Variants in C1orf167 observed in about 807,000 individuals in gnomAD.
The protein encoded by C1orf167 is chromosome 1 open reading frame 167, also known as uncharacterized protein C1orf167.
Under a neutral mutation model 176.5 loss-of-function variants are expected in C1orf167, and 153 were observed. The observed-to-expected ratio is 0.87, with a 90% CI of 0.76 to 0.99. The LOEUF is 0.99. C1orf167 is among the 50% of genes least tolerant of loss of function. The probability of loss-of-function intolerance (pLI) is 0.00; values close to 1 mark genes in which losing one functional copy is unlikely to be tolerated. For missense variants in C1orf167, 1,490 were observed against 1,817.7 expected (o/e 0.82, Z 3.28); for synonymous variants, 594 against 752.7 (o/e 0.79, Z 3.45).
In C1orf167 at chr1:11,775,553, C is replaced by T. The variant is rs1290265764; in HGVS notation, c.2107C>T (p.Leu703Phe). The T allele has an allele frequency of 1.5e-6, 2 of 1,304,104 alleles. No individual in the cohort carries two copies. Among genetic ancestry groups the T allele is most frequent in the Non-Finnish European group, 2.0e-6 (2 of 988,932 alleles). 80.8% of individuals were successfully genotyped at this position (1,304,104 alleles called of 1,614,324 possible). ...CLEQWVRMKQ[L>F]RESDGAKVTQ... ...GGAACAGTGGGTGCGGATGAAGCAG[C>T]TCCGGGAATCAGATGGGGCAAAGGT... is the stretch of plus-strand genomic sequence containing the variant. Residue 703 changes from leucine (L) to phenylalanine (F), a missense_variant, in exon 9 of 21, where the codon CTC becomes TTC. Physicochemically the swap from Leu to Phe is conservative, Grantham distance 22. Coordinates refer to ENST00000688073, the MANE Select transcript of C1orf167 (RefSeq NM_001010881.2).
intron 19 of C1orf167, 84 bp downstream of exon 19, chr1:11,788,462 T>G: frequency 8.3e-7 from 1 of 1,201,110 alleles, no homozygotes; most frequent in African/African-American, 1.6e-5. Context: ...AGTATGGCCC[T>G]TGGACCTACT....
chr1:11,777,081 G>C (rs1643354891), intron 10 of C1orf167: 1 of 153,006 alleles, frequency 6.5e-6, no homozygotes, highest in Non-Finnish European at 1.5e-5. Flanking sequence ...GCAGGAGCCA[G>C]GGATCAAGCT....
intron 13 of C1orf167, 122 bp from the exon 14 acceptor site, chr1:11,782,065 CAG>C: frequency 1.1e-6 from 1 of 873,172 alleles, no homozygotes. Context: ...CTTTTTAACC[CAG>C]ACAGTCAGGG....
intron 17 of C1orf167, 167 bp downstream of exon 17, chr1:11,787,660 A>T: frequency 2.3e-6 from 2 of 877,306 alleles, no homozygotes; most frequent in Middle Eastern, 3.7e-4. Flanking sequence ...TTCTGAGAAA[A>T]CACTTTGCAT....
chr1:11,770,073 A>G (rs1642980906), intron 6 of C1orf167, among the ~76,000 whole-genome samples: 1 of 152,104 alleles, frequency 6.6e-6, no homozygotes, highest in South Asian at 2.1e-4. Context: ...TCATCCTTTC[A>G]TAGCCCCCTC....
chr1:11,788,866 C>CCCTGCTTGCCAGCCCCGG, intron 20 of C1orf167, 120 bp downstream of exon 20: 1 of 796,272 alleles, frequency 1.3e-6, no homozygotes, highest in Non-Finnish European at 1.8e-6. Flanking sequence ...GGGGCCCCTT[C>CCCTGCTTGCCAGCCCCGG]GTTTTCAGGG....
intron 13 of C1orf167, among the ~76,000 whole-genome samples, chr1:11,780,999 C>A (rs184911308): frequency 1.1e-5 from 1 of 92,788 alleles, no homozygotes; most frequent in African/African-American, 4.4e-5. Context: ...CCCAACCAGT[C>A]TTTTTTTTTT....
At chr1:11,782,096 C>T in intron 13 of C1orf167, 93 bp from the exon 14 acceptor site, 3 of 1,131,452 alleles carry the variant, frequency 2.7e-6, no homozygotes, top group Non-Finnish European at 2.2e-6. Flanking sequence ...TCTGTTCCCA[C>T]CTGGTAGGGG....
intron 1 of C1orf167, among the ~76,000 whole-genome samples, chr1:11,763,058 A>G (rs981799403): frequency 2.6e-5 from 4 of 152,110 alleles, no homozygotes; most frequent in African/African-American, 9.7e-5. Context: ...TGCCATTTGG[A>G]GGAGCAGCCA....
At chr1:11,763,099 A>G (rs10864535) in intron 1 of C1orf167, among the ~76,000 whole-genome samples, 40,450 of 152,102 alleles carry the variant, frequency 0.27, 6,059 homozygotes, top group South Asian at 0.48. Flanking sequence ...GACAGTGGGC[A>G]AGGGGAAGAG....
Position 11,789,408 on chromosome 1 carries a change from G to C in C1orf167, c.4312G>C (p.Gly1438Arg). Residue 1438 changes from glycine to arginine, a missense_variant, in exon 21 of 21, where the codon GGG becomes CGG. By Grantham distance (125) the Gly-to-Arg change is moderately radical. Transcript: ENST00000688073. ...QEAARAPRGW[G>R]LGAEHGAQLQ... ...AGCCGCCAGAGCACCGCGGGGTTGG[G>C]GGCTTGGGGCAGAGCATGGGGCCCA... 7.7e-7 allele frequency: 1 copy of C among 1,303,162 alleles called. No homozygotes were observed. The highest frequency in any genetic ancestry group is 1.2e-5 in the South Asian group (1 of 80,960). The allele number at this position is 1,303,162 out of a possible 1,614,324, so 80.7% of individuals were successfully genotyped here.
At position 11,766,017 on chromosome 1, in the gene C1orf167, C is replaced by T; in HGVS notation, c.231C>T (p.Ser77=). 1 of 1,289,732 alleles carries T rather than the reference C, an allele frequency of 7.8e-7. No individual in the cohort carries two copies. The highest frequency in any genetic ancestry group is 1.5e-5 in the African/African-American group (1 of 66,010). The allele number at this position is 1,289,732 out of a possible 1,614,324, so 79.9% of individuals were successfully genotyped here. Residue 77 remains serine (S), a synonymous_variant, in exon 3 of 21, where the codon AGC becomes AGT. Transcript: ENST00000688073. This position sits in a 1 kb window ranked among gnomAD's most constrained non-coding sequence, Gnocchi z 4.5. The part of the protein sequence containing the change: ...EPCRVQTNLA[S]PGPRLGLALK... ...GCCGAGTCCAGACCAACCTGGCCAG[C>T]CCTGGTCCCCGCCTGGGCCTAGCTC...
chr1:11,782,441 G>A, intron 14 of C1orf167, 108 bp downstream of exon 14: 1 of 1,054,950 alleles, frequency 9.5e-7, no homozygotes, highest in Non-Finnish European at 1.2e-6. Flanking sequence ...TAGGAGGCCT[G>A]TGGCCTGGGA....
In C1orf167 at chr1:11,787,697, T is replaced by C. The variant is rs568579504; in HGVS notation, c.3674-176T>C. 185 of 1,022,676 alleles carry C rather than the reference T, an allele frequency of 1.8e-4. No individual in the cohort carries two copies. The South Asian group carries it at 2.9e-3, about 16-fold the overall frequency. The allele number at this position is 1,022,676 out of a possible 1,614,324, so 63.4% of individuals were successfully genotyped here. ...CCTGCCCCGCCCCTGTGATTTCTCT[T>C]TGGGCGGCAGGCAGCCGGGAGAGGC... On this transcript the variant is annotated intron_variant, in intron 17 of 20. Coordinates refer to ENST00000688073, the MANE Select transcript of C1orf167 (RefSeq NM_001010881.2).
Position 11,775,531 on chromosome 1 carries a change from A to G in C1orf167, c.2085A>G (p.Glu695=), listed in dbSNP as rs1423211025. 3.1e-6 allele frequency: 4 copies of G among 1,304,152 alleles called. No homozygotes were observed. The highest frequency in any genetic ancestry group is 2.3e-5 in the Admixed American group (1 of 43,540). The allele number at this position is 1,304,152 out of a possible 1,614,324, so 80.8% of individuals were successfully genotyped here. ...CGGGGACCCTGAGGAAATGCCTGGAACAGTGGGTGCGGATGAAGCAGCTCC... is the reference window on the plus strand; with the variant it reads ...CGGGGACCCTGAGGAAATGCCTGGAGCAGTGGGTGCGGATGAAGCAGCTCC... ...RRTGTLRKCL[E]QWVRMKQLRE... The change falls in exon 9 of 21, where the codon GAA becomes GAG. Residue 695 remains glutamate (E), a synonymous_variant. Coordinates refer to ENST00000688073, the MANE Select transcript of C1orf167 (RefSeq NM_001010881.2).
At position 11,767,246 on chromosome 1, in the gene C1orf167, C is replaced by T. The variant is rs897043581; in HGVS notation, c.1325C>T (p.Pro442Leu). Residue 442 changes from proline to leucine, a missense_variant, in exon 4 of 21, where the codon CCA becomes CTA. Pro to Leu is a moderately conservative substitution (Grantham distance 98). Transcript: ENST00000688073. Reference sequence around the variant, plus strand: ...AACAAGGCACAAAACATCACAGCCCCAGAGTCTGAGGCAATCTGGTGAGGC... The same window carrying T: ...AACAAGGCACAAAACATCACAGCCCTAGAGTCTGAGGCAATCTGGTGAGGC... ...SKNKAQNITA[P>L]ESEAICWQLL... 6 of 1,287,796 alleles carry T rather than the reference C, an allele frequency of 4.7e-6. No individual in the cohort carries two copies. Among genetic ancestry groups the T allele is most frequent in the African/African-American group, 1.5e-5 (1 of 65,662 alleles). The allele number at this position is 1,287,796 out of a possible 1,614,324, so 79.8% of individuals were successfully genotyped here. A position where few individuals can be genotyped will look rare whatever the true frequency, so the allele number is the denominator to read the frequency against.
intron 14 of C1orf167, among the ~76,000 whole-genome samples, chr1:11,782,543 C>T (rs1047088869): frequency 2.0e-5 from 3 of 152,202 alleles, no homozygotes; most frequent in Non-Finnish European, 4.4e-5. Context: ...TGGCAAACCC[C>T]ACCCCTAACC....
At chr1:11,782,083 T>C (rs1643627348) in intron 13 of C1orf167, 106 bp from the exon 14 acceptor site, 1 of 1,038,454 alleles carries the variant, frequency 9.6e-7, no homozygotes, top group Non-Finnish European at 1.2e-6. Context: ...CAGGGTGGCC[T>C]CCTCTGTTCC....
intron 6 of C1orf167, among the ~76,000 whole-genome samples, chr1:11,770,187 A>G (rs1383295344): frequency 7.7e-6 from 1 of 129,582 alleles, no homozygotes; most frequent in Non-Finnish European, 1.7e-5. Flanking sequence ...AATGTATCCA[A>G]AATATTTTTC....
Sources: gnomAD v4.1 joint callset for allele counts (sites outside exome capture counted in the v4.1 genomes callset) on GRCh38, gnomAD v4.1.1 for gene constraint, Gnocchi (gnomAD v3.1) non-coding constraint, MANE v1.5 for transcripts, NCBI Gene and HGNC (gene_info 2026-07-23, HGNC 2026-07-21) for gene names.